PCDHGA4: variants seen among roughly 807,000 people sequenced by gnomAD.
The protein encoded by PCDHGA4 is protocadherin gamma subfamily A, 4, also known as protocadherin gamma-A4.
In PCDHGA4, 38 loss-of-function variants were observed where a neutral mutation model predicts 54.6. The observed-to-expected ratio is 0.70, with a 90% CI of 0.54 to 0.91. The LOEUF is 0.91. Ranked by LOEUF, PCDHGA4 falls within the 40% of genes least tolerant of loss-of-function variation. PCDHGA4 has a pLI of 0.00. For synonymous variants in PCDHGA4, 511 were observed against 512.9 expected, an observed-to-expected ratio of 1.00 and a Z score of 0.05; for missense variants, 1,298 against 1,220.9, an observed-to-expected ratio of 1.06 and a Z score of -0.94.
intron 1 of PCDHGA4, chr5:141,416,001 G>C (rs2095980823): frequency 4.0e-6 from 1 of 253,062 alleles, no homozygotes; most frequent in Non-Finnish European, 7.3e-6. Flanking sequence ...AGGCAGGTCT[G>C]GTAAGAATAG....
intron 1 of PCDHGA4, among the ~76,000 whole-genome samples, chr5:141,382,287 C>G (rs1263948846): frequency 7.2e-5 from 11 of 152,114 alleles, no homozygotes; most frequent in Non-Finnish European, 1.5e-4. Context: ...TCAATTAATA[C>G]TGAATTAATT....
In PCDHGA4 at chr5:141,511,131, C is replaced by T; in HGVS notation, c.2847C>T (p.Gly949=). ...GGGATGGCAAGGCCCCAGCAGGTGG[C>T]AATGGCAACAAGAAGAAGTCGGGCA... is the stretch of plus-strand genomic sequence containing the variant. ...GKRDGKAPAG[G]NGNKKKSGKK... is the part of the protein sequence containing the mutation. The change falls in exon 4 of 4, where the codon GGC becomes GGT. Residue 949 remains glycine (G), a synonymous_variant. Coordinates refer to ENST00000571252, the MANE Select transcript of PCDHGA4 (RefSeq NM_018917.4). 2 of 1,614,202 alleles carry T rather than the reference C, an allele frequency of 1.2e-6. No homozygotes were observed. Among genetic ancestry groups the T allele is most frequent in the Non-Finnish European group, 1.7e-6 (2 of 1,180,020 alleles).
chr5:141,491,580 G>A lies in PCDHGA4; in HGVS notation c.2515-3227G>A. 6.2e-7 allele frequency: 1 copy of A among 1,613,942 alleles called. No individual in the cohort carries two copies. Among genetic ancestry groups the A allele is most frequent in the Non-Finnish European group, 8.5e-7 (1 of 1,180,044 alleles). ...ACTGCTACAGGACGTGCTTTTCACC[G>A]GCCTCGGACGGCAGTGACTTCACTT... is the stretch of plus-strand genomic sequence containing the variant. On this transcript the variant is annotated intron_variant, in intron 1 of 3. Coordinates refer to ENST00000571252, the MANE Select transcript of PCDHGA4 (RefSeq NM_018917.4). The surrounding 1 kb of genome is among the most constrained non-coding windows in gnomAD (Gnocchi z 6.9).
intron 1 of PCDHGA4, chr5:141,413,279 TCTC>T (rs759727755): frequency 2.4e-5 from 39 of 1,613,826 alleles, no homozygotes; most frequent in Non-Finnish European, 3.1e-5. Flanking sequence ...GCCCGGCAGA[TCTC>T]CTACTCAATT....
Position 141,489,160 on chromosome 5 carries a change from C to A in PCDHGA4, c.2515-5647C>A. 1 of 1,029,962 alleles carries A rather than the reference C, an allele frequency of 9.7e-7. No individual in the cohort carries two copies. The highest frequency in any genetic ancestry group is 1.4e-6 in the Non-Finnish European group (1 of 701,366). 63.8% of individuals were successfully genotyped at this position (1,029,962 alleles called of 1,614,324 possible). ...GGCTGGAAGGAGACATAAGAGACTT[C>A]AGCTGCTGCATTCCAAGCCCTGGGT... On this transcript the variant is annotated intron_variant, in intron 1 of 3. Coordinates refer to ENST00000571252, the MANE Select transcript of PCDHGA4 (RefSeq NM_018917.4). The surrounding 1 kb of genome is among the most constrained non-coding windows in gnomAD (Gnocchi z 4.5).
chr5:141,403,243 T>C (rs1363955978), intron 1 of PCDHGA4: 2 of 1,613,894 alleles, frequency 1.2e-6, no homozygotes, highest in East Asian at 4.5e-5. Context: ...AGCTCTGTGC[T>C]CAGAGCCCGC....
intron 1 of PCDHGA4, among the ~76,000 whole-genome samples, chr5:141,379,889 CTTTTTTTTTTTTTTTTTT>C (rs70988800): frequency 3.9e-5 from 2 of 50,830 alleles, no homozygotes; most frequent in African/African-American, 6.6e-5. Context: ...GTGAAAGCCT[CTTTTTTTTTTTTTTTTTT>C]TTTTTTTTTT....
At chr5:141,415,071 G>A (rs757356726) in intron 1 of PCDHGA4, 21 of 1,613,422 alleles carry the variant, frequency 1.3e-5, no homozygotes, top group East Asian at 2.2e-5. Flanking sequence ...AGGTGCGCAC[G>A]GCGCGAGCCC....
At chr5:141,509,720 A>G (rs916316577) in intron 3 of PCDHGA4, among the ~76,000 whole-genome samples, 6 of 151,974 alleles carry the variant, frequency 3.9e-5, no homozygotes, top group Admixed American at 3.3e-4. Context: ...GTCTGATGTC[A>G]CCTAGCTGTG....
chr5:141,376,032 G>T (rs751769680), intron 1 of PCDHGA4: 3 of 1,613,116 alleles, frequency 1.9e-6, no homozygotes, highest in East Asian at 4.5e-5. Context: ...CAGGACCACG[G>T]CCAGCCCCCT....
intron 1 of PCDHGA4, among the ~76,000 whole-genome samples, chr5:141,450,485 T>A (rs1382219564): frequency 6.6e-6 from 1 of 152,160 alleles, no homozygotes; most frequent in Non-Finnish European, 1.5e-5. Flanking sequence ...GTTTGTTTGT[T>A]TGTCTGTTTG....
intron 1 of PCDHGA4, chr5:141,394,020 A>G (rs1311759353): frequency 6.2e-7 from 1 of 1,613,426 alleles, no homozygotes; most frequent in African/African-American, 1.3e-5. Context: ...TAATTATTAT[A>G]GATTAGTGAC....
chr5:141,408,743 A>G (rs764671808), intron 1 of PCDHGA4: 13 of 1,610,030 alleles, frequency 8.1e-6, no homozygotes, highest in African/African-American at 2.7e-5. Flanking sequence ...TTTTTCATTA[A>G]TGGTTAGAGT....
At chr5:141,460,733 C>T (rs988651750) in intron 1 of PCDHGA4, among the ~76,000 whole-genome samples, 2 of 150,844 alleles carry the variant, frequency 1.3e-5, no homozygotes, top group Non-Finnish European at 3.0e-5. Context: ...CATATATACA[C>T]ATTGTATATA....
Position 141,424,520 on chromosome 5 carries a change from A to T in PCDHGA4, c.2514+66899A>T, listed in dbSNP as rs527395935. ...GTATGGAAGGTTTTTTAATGTAGTA[A>T]ATCCATATATAGAAATAACTTGATT... is the stretch of plus-strand genomic sequence containing the variant. On this transcript the variant is annotated intron_variant, in intron 1 of 3. Coordinates refer to ENST00000571252, the MANE Select transcript of PCDHGA4 (RefSeq NM_018917.4). 15 of 152,286 alleles carry T rather than the reference A, an allele frequency of 9.8e-5. No individual in the cohort carries two copies. In the East Asian group the frequency reaches 2.9e-3, roughly 29 times the overall value. The allele number at this position is 152,286 out of a possible 1,614,324, so 9.4% of individuals were successfully genotyped here. A position where few individuals can be genotyped will look rare whatever the true frequency, so the allele number is the denominator to read the frequency against.
rs1022516458 is a variant in PCDHGA4, at chr5:141,476,612, A to G, written c.2515-18195A>G. The G allele has an allele frequency of 1.2e-6, 2 of 1,614,236 alleles. No individual in the cohort carries two copies. The highest frequency in any genetic ancestry group is 2.2e-5 in the South Asian group (2 of 91,080). ...GAGCGCGCACGATCCCGATGTGGGA[A>G]GCAACTCTTTACAAACCTATGAGCT... On this transcript the variant is annotated intron_variant, in intron 1 of 3. Transcript: ENST00000571252. The surrounding 1 kb of genome is among the most constrained non-coding windows in gnomAD (Gnocchi z 7.6).
intron 1 of PCDHGA4, chr5:141,366,102 T>A (rs1445962676): frequency 6.2e-7 from 1 of 1,614,084 alleles, no homozygotes; most frequent in African/African-American, 1.3e-5. Context: ...GTGACCAAGG[T>A]GGTAGCGGTG....
chr5:141,395,442 AG>A lies in PCDHGA4; in HGVS notation c.2514+37822del, dbSNP rs1446210907. Reference sequence around the variant, plus strand: ...CATTTGCTTTTAAACGACTTGGAAAAGATTGTTCAACCATTTTAAGCCTTCC... The same window carrying A: ...CATTTGCTTTTAAACGACTTGGAAAAATTGTTCAACCATTTTAAGCCTTCC... On this transcript the variant is annotated intron_variant, in intron 1 of 3. Coordinates refer to ENST00000571252, the MANE Select transcript of PCDHGA4 (RefSeq NM_018917.4). 4 of 667,514 alleles carry A rather than the reference AG, an allele frequency of 6.0e-6. No homozygotes were observed. The East Asian group carries it at 1.2e-4, about 20-fold the overall frequency. 41.3% of individuals were successfully genotyped at this position (667,514 alleles called of 1,614,324 possible).
At chr5:141,457,107 A>G (rs2098908740) in intron 1 of PCDHGA4, among the ~76,000 whole-genome samples, 1 of 152,260 alleles carries the variant, frequency 6.6e-6, no homozygotes, top group African/African-American at 2.4e-5. Flanking sequence ...ATTAAGCAAA[A>G]TACGACAGCA....
Sources: gnomAD v4.1 joint callset for allele counts (sites outside exome capture counted in the v4.1 genomes callset) on GRCh38, gnomAD v4.1.1 for gene constraint, Gnocchi (gnomAD v3.1) non-coding constraint, MANE v1.5 for transcripts, NCBI Gene and HGNC (gene_info 2026-07-23, HGNC 2026-07-21) for gene names.